The following YME1L1 variants were observed in gnomAD, a reference collection of about 807,000 sequenced individuals.
YME1L1 encodes the protein ATP-dependent zinc metalloprotease YME1L1.
Under a neutral mutation model 90.4 loss-of-function variants are expected in YME1L1, and 39 were observed. The observed-to-expected ratio is 0.43, with a 90% confidence interval of 0.33 to 0.56. YME1L1 has a LOEUF of 0.56. YME1L1 is among the 20% of genes least tolerant of loss of function. YME1L1 has a pLI of 0.03. For missense variants in YME1L1, 617 were observed against 868.4 expected (o/e 0.71, Z 3.64); for synonymous variants, 284 against 287.3 (o/e 0.99, Z 0.12).
At chr10:27,143,110 C>CT (rs959482951) in intron 3 of YME1L1, among the ~76,000 whole-genome samples, 3 of 152,048 alleles carry the variant, frequency 2.0e-5, no homozygotes, top group African/African-American at 7.2e-5. Context: ...TGGCTCACGC[C>CT]TGTAATTCCA....
chr10:27,136,470 C>T, intron 4 of YME1L1, 85 bp from the exon 5 acceptor site: 1 of 1,047,056 alleles, frequency 9.6e-7, no homozygotes, highest in Non-Finnish European at 1.4e-6. Context: ...TGACACCCTA[C>T]CTGTATATCC....
At chr10:27,130,905 T>C (rs552195902) in intron 8 of YME1L1, among the ~76,000 whole-genome samples, 1 of 152,366 alleles carries the variant, frequency 6.6e-6, no homozygotes, top group South Asian at 2.1e-4. Context: ...TTCTAATTGC[T>C]GAGACCAAAA....
intron 18 of YME1L1, among the ~76,000 whole-genome samples, chr10:27,112,797 G>GCTC (rs145653387): frequency 0.1 from 15,182 of 151,680 alleles, 2,469 homozygotes; most frequent in African/African-American, 0.34. Flanking sequence ...ACCTCCCTGG[G>GCTC]CTCAGGTGAT....
intron 1 of YME1L1, among the ~76,000 whole-genome samples, chr10:27,150,268 A>G (rs561677557): frequency 6.6e-6 from 1 of 152,238 alleles, no homozygotes; most frequent in East Asian, 1.9e-4. Flanking sequence ...CTTATTATAT[A>G]CCAGGTTTAG....
chr10:27,126,833 T>G, intron 8 of YME1L1, 47 bp from the exon 9 acceptor site: 1 of 1,106,458 alleles, frequency 9.0e-7, no homozygotes, highest in South Asian at 1.5e-5. Context: ...TGGACACGTT[T>G]GGTTAGATTA....
intron 5 of YME1L1, 58 bp from the exon 6 acceptor site, chr10:27,135,039 A>G: frequency 6.6e-7 from 1 of 1,504,858 alleles, no homozygotes; most frequent in African/African-American, 1.4e-5. Context: ...CTTCCCAACA[A>G]TATTGTGACC....
chr10:27,112,697 C>G (rs2056770277), intron 18 of YME1L1, among the ~76,000 whole-genome samples: 1 of 152,112 alleles, frequency 6.6e-6, no homozygotes, highest in African/African-American at 2.4e-5. Flanking sequence ...GCACTCAGCT[C>G]TGTCACTCTC....
chr10:27,120,384 G>A (rs763847452), intron 13 of YME1L1, 51 bp downstream of exon 13: 20 of 1,309,794 alleles, frequency 1.5e-5, no homozygotes, highest in African/African-American at 2.9e-5. Flanking sequence ...AACAGGGTGA[G>A]TGGTATATTA....
At chr10:27,120,646 A>T in intron 12 of YME1L1, 99 bp from the exon 13 acceptor site, 1 of 845,966 alleles carries the variant, frequency 1.2e-6, no homozygotes. Flanking sequence ...AGCCAATGGC[A>T]GCCAGAGCGC....
chr10:27,132,493 T>C (rs2056987325), intron 7 of YME1L1, among the ~76,000 whole-genome samples: 1 of 152,130 alleles, frequency 6.6e-6, no homozygotes, highest in African/African-American at 2.4e-5. Flanking sequence ...GCCATTCTTT[T>C]ATTCCTTTAC....
intron 11 of YME1L1, among the ~76,000 whole-genome samples, chr10:27,121,672 A>G (rs1244767657): frequency 2.6e-5 from 4 of 152,070 alleles, no homozygotes; most frequent in African/African-American, 9.7e-5. Flanking sequence ...TGACAGGTGC[A>G]TGCCAACATA....
chr10:27,116,480 A>C lies in YME1L1; in HGVS notation c.1720-135T>G. On this transcript the variant is annotated intron_variant, in intron 15 of 18. Coordinates refer to ENST00000376016, the MANE Select transcript of YME1L1 (RefSeq NM_014263.4). Reference sequence around the variant, plus strand: ...TTGGGAGTTCGAGACCAGCCTGACCAACATGGAGAAATCCTGTCTCTACTA... The same window carrying C: ...TTGGGAGTTCGAGACCAGCCTGACCCACATGGAGAAATCCTGTCTCTACTA... The C allele has an allele frequency of 4.7e-6, 4 of 859,296 alleles. 1 individual carries two copies. The South Asian group carries it at 7.0e-5, about 15-fold the overall frequency. The allele number at this position is 859,296 out of a possible 1,614,324, so 53.2% of individuals were successfully genotyped here. A position where few individuals can be genotyped will look rare whatever the true frequency, so the allele number is the denominator to read the frequency against.
At chr10:27,146,541 G>A (rs556999738) in intron 2 of YME1L1, 31 of 152,260 alleles carry the variant, frequency 2.0e-4, no homozygotes, top group African/African-American at 7.5e-4. Flanking sequence ...AGACCAGCCT[G>A]AGCAACATGG....
chr10:27,135,134 T>C (rs2057014650), intron 5 of YME1L1, among the ~76,000 whole-genome samples, 153 bp from the exon 6 acceptor site: 1 of 152,190 alleles, frequency 6.6e-6, no homozygotes, highest in Non-Finnish European at 1.5e-5. Flanking sequence ...AATTAATCAA[T>C]AACTAGGAAA....
intron 9 of YME1L1, among the ~76,000 whole-genome samples, chr10:27,125,516 G>A (rs1282952308): frequency 2.0e-5 from 3 of 150,920 alleles, no homozygotes; most frequent in African/African-American, 7.3e-5. Context: ...CCTGGATTAG[G>A]TCCTGAACTG....
chr10:27,147,527 G>T (rs369706082), intron 2 of YME1L1: 1 of 1,607,712 alleles, frequency 6.2e-7, no homozygotes, highest in East Asian at 2.2e-5. Context: ...GGTTCTGGAC[G>T]GATGTGCCAG....
intron 4 of YME1L1, among the ~76,000 whole-genome samples, chr10:27,137,129 T>C (rs1261930671): frequency 6.6e-6 from 1 of 152,126 alleles, no homozygotes. Flanking sequence ...AAAGGGTAAG[T>C]GTATCAAATT....
At chr10:27,114,483 T>C in intron 18 of YME1L1, 38 bp downstream of exon 18, 1 of 1,550,180 alleles carries the variant, frequency 6.5e-7, no homozygotes. Context: ...AAGCACATTG[T>C]TCCTAAGAAA....
chr10:27,154,318 G>C lies in YME1L1; in HGVS notation c.-108C>G. 2.9e-6 allele frequency: 4 copies of C among 1,365,198 alleles called. No homozygotes were observed. The highest frequency in any genetic ancestry group is 4.0e-6 in the Non-Finnish European group (4 of 997,480). The allele number at this position is 1,365,198 out of a possible 1,614,324, so 84.6% of individuals were successfully genotyped here. On this transcript the variant is annotated 5_prime_UTR_variant, in exon 1 of 19. Coordinates refer to ENST00000376016, the MANE Select transcript of YME1L1 (RefSeq NM_014263.4). Reference sequence around the variant, plus strand: ...TTCTTTTTTCCTTTTTCTCCGACCCGTTGCCCCTCACTCCTCCCAGAAACG... The same window carrying C: ...TTCTTTTTTCCTTTTTCTCCGACCCCTTGCCCCTCACTCCTCCCAGAAACG...
Sources: gnomAD v4.1 joint callset for allele counts (sites outside exome capture counted in the v4.1 genomes callset) on GRCh38, gnomAD v4.1.1 for gene constraint, MANE v1.5 for transcripts, NCBI Gene and HGNC (gene_info 2026-07-23, HGNC 2026-07-21) for gene names.